The following SLCO3A1 variants were observed in gnomAD, a reference collection of about 807,000 sequenced individuals.
The protein encoded by SLCO3A1 is solute carrier organic anion transporter family member 3A1.
Under a neutral mutation model 63.1 loss-of-function variants are expected in SLCO3A1, and 27 were observed. The ratio of observed to expected loss-of-function variants is 0.43; its 90% confidence interval spans 0.32 to 0.59. The LOEUF is 0.59. Ranked by LOEUF, SLCO3A1 falls within the 20% of genes least tolerant of loss-of-function variation. SLCO3A1 has a pLI of 0.09. For synonymous variants in SLCO3A1, 473 were observed against 409.9 expected, an observed-to-expected ratio of 1.15 and a Z score of -1.86; for missense variants, 773 against 945.8, an observed-to-expected ratio of 0.82 and a Z score of 2.40.
chr15:92,131,350 T>TGGTCAGTGGAATAATTGTCTTCCACG (rs1183804602), intron 7 of SLCO3A1, among the ~76,000 whole-genome samples: 16 of 110,238 alleles, frequency 1.5e-4, no homozygotes, highest in Non-Finnish European at 2.2e-4. Flanking sequence ...TCAACCTCCC[T>TGGTCAGTGGAATAATTGTCTTCCACG]ATTCCTCCCA....
exon 11 of SLCO3A1, chr15:92,171,964 G>A (rs998214194): frequency 2.4e-6 from 2 of 835,694 alleles, no homozygotes; most frequent in African/African-American, 1.7e-5. Context: ...GAACCCGAGG[G>A]TCCCCATGTG....
At chr15:91,998,837 C>T (rs960365763) in intron 2 of SLCO3A1, among the ~76,000 whole-genome samples, 1 of 152,176 alleles carries the variant, frequency 6.6e-6, no homozygotes, top group Non-Finnish European at 1.5e-5. Flanking sequence ...GACACATGTA[C>T]GTGTATATTC....
intron 2 of SLCO3A1, among the ~76,000 whole-genome samples, chr15:92,044,938 T>C (rs1251376141): frequency 6.6e-6 from 1 of 152,092 alleles, no homozygotes; most frequent in African/African-American, 2.4e-5. Context: ...CATCCTTCCA[T>C]CTCTCATCTC....
intron 2 of SLCO3A1, among the ~76,000 whole-genome samples, chr15:92,057,281 C>G (rs1411370178): frequency 1.3e-5 from 2 of 152,226 alleles, no homozygotes; most frequent in Non-Finnish European, 2.9e-5. Context: ...GCCCTGCAGC[C>G]TGGCAGCCCG....
At chr15:91,880,711 C>A (rs1402550763) in intron 1 of SLCO3A1, among the ~76,000 whole-genome samples, 3 of 151,818 alleles carry the variant, frequency 2.0e-5, no homozygotes, top group Non-Finnish European at 4.4e-5. Context: ...CTTTTTATTG[C>A]AGAGTGATAT....
intron 2 of SLCO3A1, among the ~76,000 whole-genome samples, chr15:92,040,619 T>G (rs945732457): frequency 1.3e-5 from 2 of 152,158 alleles, no homozygotes; most frequent in Non-Finnish European, 2.9e-5. Flanking sequence ...CCTAAGAACC[T>G]GCTTGGTGCT....
At chr15:91,963,530 G>A (rs373589539) in intron 2 of SLCO3A1, among the ~76,000 whole-genome samples, 29 of 152,270 alleles carry the variant, frequency 1.9e-4, no homozygotes, top group Admixed American at 1.0e-3. Context: ...GGATCACACC[G>A]TGGGATTTTA....
In SLCO3A1 at chr15:92,165,869, A is replaced by T; in HGVS notation, c.*2734A>T. ...AAGATCATTGGATTTACAGAATACA[A>T]AAATGTACGGGATGGAATAAACCTA... On this transcript the variant is annotated 3_prime_UTR_variant, in exon 10 of 10. Coordinates refer to ENST00000318445, the MANE Select transcript of SLCO3A1 (RefSeq NM_013272.4). The T allele has an allele frequency of 1.0e-6, 1 of 985,388 alleles. No homozygotes were observed. Among genetic ancestry groups the T allele is most frequent in the Non-Finnish European group, 1.2e-6 (1 of 829,882 alleles). 61.0% of individuals were successfully genotyped at this position (985,388 alleles called of 1,614,324 possible).
chr15:92,120,559 C>T lies in SLCO3A1; in HGVS notation c.1104C>T (p.Phe368=), dbSNP rs201218065. ...TGGAGATTGCAGTGGTGGCTGGCTT[C>T]GCTGCCTTTTTGGGGAAGTACCTGG... ...ACMEIAVVAG[F]AAFLGKYLEQ... is the part of the protein sequence containing the mutation. Residue 368 remains phenylalanine, a synonymous_variant, in exon 5 of 10, where the codon TTC becomes TTT. Transcript: ENST00000318445. The T allele has an allele frequency of 1.3e-5, 21 of 1,614,052 alleles. No homozygotes were observed. The highest frequency in any genetic ancestry group is 4.5e-5 in the East Asian group (2 of 44,874).
intron 2 of SLCO3A1, among the ~76,000 whole-genome samples, chr15:91,929,644 C>G (rs1899152713): frequency 6.6e-6 from 1 of 152,196 alleles, no homozygotes; most frequent in Non-Finnish European, 1.5e-5. Flanking sequence ...AACAGATGTC[C>G]AGAACATTTT....
At chr15:91,880,407 C>CTGTGTGTGTGTGTG (rs1235050747) in intron 1 of SLCO3A1, among the ~76,000 whole-genome samples, 239 of 142,924 alleles carry the variant, frequency 1.7e-3, no homozygotes, top group African/African-American at 6.1e-3. Context: ...CTCTCTCTCT[C>CTGTGTGTGTGTGTG]TCTGTGTGTG....
intron 2 of SLCO3A1, among the ~76,000 whole-genome samples, chr15:91,972,981 C>A (rs1306084939): frequency 6.6e-6 from 1 of 152,168 alleles, no homozygotes; most frequent in Non-Finnish European, 1.5e-5. Context: ...ATCAGCTAAG[C>A]ATGGTGGCAT....
intron 1 of SLCO3A1, among the ~76,000 whole-genome samples, chr15:91,858,829 G>A (rs142983013): frequency 6.6e-6 from 1 of 152,340 alleles, no homozygotes; most frequent in Non-Finnish European, 1.5e-5. Context: ...TTGAGGTGCT[G>A]CCTTGATCAG....
chr15:92,089,450 T>C (rs969473982), intron 2 of SLCO3A1, among the ~76,000 whole-genome samples: 1 of 152,196 alleles, frequency 6.6e-6, no homozygotes. Flanking sequence ...GCTCCTGATA[T>C]CATGTGATAG....
rs1898663299 is a variant in SLCO3A1, at chr15:91,916,441, A to T, written c.629A>T (p.Asp210Val). ...ATCGACGACCACGTGCGGAGGAAGG[A>T]CTCCTCGCTCTATATAGGTAGGAGC... ...SYIDDHVRRK[D>V]SSLYIGILFT... The change falls in exon 2 of 10, where the codon GAC (aspartate) becomes GTC (valine). Residue 210 changes from aspartate (D) to valine (V), a missense_variant. Physicochemically the swap from Asp to Val is radical, Grantham distance 152. This residue lies in a region of SLCO3A1 where 565 missense variants were observed against 749.8 expected (regional missense o/e 0.75). Coordinates refer to ENST00000318445, the MANE Select transcript of SLCO3A1 (RefSeq NM_013272.4). The surrounding 1 kb of genome is among the most constrained non-coding windows in gnomAD (Gnocchi z 6.2). 6.2e-7 allele frequency: 1 copy of T among 1,609,300 alleles called. No individual in the cohort carries two copies. The highest frequency in any genetic ancestry group is 1.7e-5 in the Admixed American group (1 of 59,434).
intron 2 of SLCO3A1, among the ~76,000 whole-genome samples, chr15:91,918,830 T>C (rs1178448446): frequency 6.6e-6 from 1 of 152,226 alleles, no homozygotes; most frequent in East Asian, 1.9e-4. Context: ...AAGGGACTGA[T>C]GCTGGGACTG....
chr15:92,111,517 G>T (rs568847690), intron 4 of SLCO3A1, among the ~76,000 whole-genome samples: 4 of 152,148 alleles, frequency 2.6e-5, no homozygotes, highest in Non-Finnish European at 5.9e-5. Context: ...GGAATCCTGT[G>T]CCAGGCTGTG....
intron 2 of SLCO3A1, among the ~76,000 whole-genome samples, chr15:92,013,210 T>C (rs1235762856): frequency 6.6e-6 from 1 of 152,224 alleles, no homozygotes; most frequent in Non-Finnish European, 1.5e-5. Flanking sequence ...CTTCTCAGCA[T>C]AGAGGGAATG....
At position 91,853,923 on chromosome 15, in the gene SLCO3A1, G is replaced by A. The variant is rs1355047838; in HGVS notation, c.15G>A (p.Lys5=). 1 of 1,448,002 alleles carries A rather than the reference G, an allele frequency of 6.9e-7. No individual in the cohort carries two copies. Among genetic ancestry groups the A allele is most frequent in the Non-Finnish European group, 9.2e-7 (1 of 1,091,698 alleles). 89.7% of individuals were successfully genotyped at this position (1,448,002 alleles called of 1,614,324 possible). A position where few individuals can be genotyped will look rare whatever the true frequency, so the allele number is the denominator to read the frequency against. The part of the protein sequence containing the change: MQGK[K]PGGSSGGGRS... The stretch of plus-strand genomic sequence containing the variant: ...GCGGGGGAAGGATGCAGGGGAAGAA[G>A]CCGGGCGGTTCGTCGGGCGGCGGCC... Residue 5 remains lysine (K), a synonymous_variant, in exon 1 of 10, where the codon AAG becomes AAA. Transcript: ENST00000318445.
Sources: gnomAD v4.1 joint callset for allele counts (sites outside exome capture counted in the v4.1 genomes callset) on GRCh38, gnomAD v4.1.1 for gene constraint, gnomAD v4.1.1 regional missense constraint, Gnocchi (gnomAD v3.1) non-coding constraint, MANE v1.5 for transcripts, NCBI Gene and HGNC (gene_info 2026-07-23, HGNC 2026-07-21) for gene names.